C19orf12: variants seen among roughly 807,000 people sequenced by gnomAD.
C19orf12 encodes the protein protein C19orf12.
In C19orf12, 2 loss-of-function variants were observed where a neutral mutation model predicts 3.8. The ratio of observed to expected loss-of-function variants is 0.53; its 90% CI spans 0.22 to 1.66. C19orf12 has a LOEUF of 1.66. Ranked by LOEUF, C19orf12 falls within the 40% of genes most tolerant of loss-of-function variation. C19orf12 has a pLI of 0.20. For synonymous variants in C19orf12, 89 were observed against 84.6 expected (o/e 1.05, Z -0.28); for missense variants, 156 against 188.8 (o/e 0.83, Z 1.02).
At position 29,702,922 on chromosome 19, in the gene C19orf12, C is replaced by T. The variant is rs202054484; in HGVS notation, c.216G>A (p.Pro72=). Residue 72 remains proline, a synonymous_variant, in exon 3 of 3, where the codon CCG becomes CCA. Coordinates refer to ENST00000323670, the MANE Select transcript of C19orf12 (RefSeq NM_031448.6). The part of the protein sequence containing the change: ...GAWMTSGQFK[P]VPQILMELPP... ...GCAGCTCCATTAGGATCTGAGGAAC[C>T]GGCTTAAACTGTCCACTTGTCATCC... is the stretch of plus-strand genomic sequence containing the variant. 232 of 1,614,196 alleles carry T rather than the reference C, an allele frequency of 1.4e-4. 1 individual carries two copies. The Admixed American group carries it at 3.0e-3, about 21-fold the overall frequency.
chr19:29,715,487 G>A, upstream of C19orf12: 1 of 356,478 alleles, frequency 2.8e-6, no homozygotes, highest in Non-Finnish European at 5.8e-6. Flanking sequence ...CCTGGGAACC[G>A]CAAGGCCGCG....
At chr19:29,708,039 C>T (rs529993214) in intron 2 of C19orf12, among the ~76,000 whole-genome samples, 104 of 152,070 alleles carry the variant, frequency 6.8e-4, no homozygotes, top group Non-Finnish European at 1.2e-3. Context: ...CCACCACGCC[C>T]AGCTATTTTT....
At chr19:29,711,776 C>G (rs114930005) in intron 1 of C19orf12, among the ~76,000 whole-genome samples, 41 of 152,194 alleles carry the variant, frequency 2.7e-4, no homozygotes, top group East Asian at 1.2e-3. Context: ...GCTTCCCCCC[C>G]CAAAAAAAAC....
Position 29,702,700 on chromosome 19 carries a change from C to A in C19orf12, c.*12G>T, listed in dbSNP as rs1158188154. The A allele has an allele frequency of 6.2e-7, 1 of 1,612,996 alleles. No individual in the cohort carries two copies. Among genetic ancestry groups the A allele is most frequent in the Non-Finnish European group, 8.5e-7 (1 of 1,179,994 alleles). ...CATTTAAAGGGGCCCCCCACCTCCC[C>A]GGAGGTGCGGCCTAGTCATCATACT... On this transcript the variant is annotated 3_prime_UTR_variant, in exon 3 of 3. Transcript: ENST00000323670.
At chr19:29,715,073 C>T (rs1282241704) in intron 1 of C19orf12, 52 bp downstream of exon 1, 4 of 616,262 alleles carry the variant, frequency 6.5e-6, no homozygotes, top group Non-Finnish European at 5.8e-6. Flanking sequence ...CCCCTCCTCT[C>T]GCGGGGCGCG....
chr19:29,713,221 T>C (rs1009081604), intron 1 of C19orf12, among the ~76,000 whole-genome samples: 39 of 151,776 alleles, frequency 2.6e-4, no homozygotes, highest in African/African-American at 7.7e-4. Context: ...GGAGGGAGGA[T>C]GGGGACAGAC....
In C19orf12 at chr19:29,700,767, G is replaced by T; in HGVS notation, c.*1945C>A. 1 of 454,146 alleles carries T rather than the reference G, an allele frequency of 2.2e-6. No homozygotes were observed. The highest frequency in any genetic ancestry group is 4.4e-6 in the Non-Finnish European group (1 of 226,812). The allele number at this position is 454,146 out of a possible 1,614,324, so 28.1% of individuals were successfully genotyped here. ...CTCGGCCCTTCCTTAATCACCATGG[G>T]TTATAATTCACCCTGACGTCCTTAC... On this transcript the variant is annotated 3_prime_UTR_variant, in exon 3 of 3. Coordinates refer to ENST00000323670, the MANE Select transcript of C19orf12 (RefSeq NM_031448.6).
chr19:29,700,330 G>A lies in C19orf12; in HGVS notation c.*2382C>T. 1 of 454,136 alleles carries A rather than the reference G, an allele frequency of 2.2e-6. No homozygotes were observed. The highest frequency in any genetic ancestry group is 4.4e-6 in the Non-Finnish European group (1 of 226,790). 28.1% of individuals were successfully genotyped at this position (454,136 alleles called of 1,614,324 possible). A position where few individuals can be genotyped will look rare whatever the true frequency, so the allele number is the denominator to read the frequency against. ...GGCATTTGTTCAACATGGAAAAAGT[G>A]TCCCCCAACTTTGAAGCACTGAACC... On this transcript the variant is annotated 3_prime_UTR_variant, in exon 3 of 3. Coordinates refer to ENST00000323670, the MANE Select transcript of C19orf12 (RefSeq NM_031448.6).
rs1423786410 is a variant in C19orf12 at position 29,700,115 on chromosome 19, G to A, written c.*2597C>T. The A allele has an allele frequency of 8.8e-6, 4 of 453,914 alleles. No individual in the cohort carries two copies. Among genetic ancestry groups the A allele is most frequent in the Non-Finnish European group, 1.8e-5 (4 of 226,792 alleles). 28.1% of individuals were successfully genotyped at this position (453,914 alleles called of 1,614,324 possible). A position where few individuals can be genotyped will look rare whatever the true frequency, so the allele number is the denominator to read the frequency against. ...GGCATTTTTCCCTGCAGTAGGGGTG[G>A]GCAGGCTGTGGGAGGGGCTGCAGTG... On this transcript the variant is annotated 3_prime_UTR_variant, in exon 3 of 3. Coordinates refer to ENST00000323670, the MANE Select transcript of C19orf12 (RefSeq NM_031448.6).
chr19:29,713,734 C>T (rs10415958), intron 1 of C19orf12, among the ~76,000 whole-genome samples: 17,201 of 152,066 alleles, frequency 0.11, 1,353 homozygotes, highest in East Asian at 0.28. Flanking sequence ...TTCCTGATTT[C>T]TCCTGAAAAA....
chr19:29,703,096 A>G, intron 2 of C19orf12, 119 bp from the exon 3 acceptor site: 2 of 1,380,474 alleles, frequency 1.4e-6, no homozygotes, highest in South Asian at 2.4e-5. Context: ...AGCGGGCTGC[A>G]GCGGGCTCAG....
Position 29,698,981 on chromosome 19 carries a change from T to A in C19orf12, c.*3731A>T, listed in dbSNP as rs1190629340. On this transcript the variant is annotated 3_prime_UTR_variant, in exon 3 of 3. Coordinates refer to ENST00000323670, the MANE Select transcript of C19orf12 (RefSeq NM_031448.6). ...GAATATTAACACAGTATTACTGTAA[T>A]ACTTCAGCATTACAGTAGTAAAAAT... 2.2e-6 allele frequency: 1 copy of A among 452,324 alleles called. No individual in the cohort carries two copies. Among genetic ancestry groups the A allele is most frequent in the East Asian group, 7.0e-5 (1 of 14,298 alleles). The allele number at this position is 452,324 out of a possible 1,614,324, so 28.0% of individuals were successfully genotyped here.
chr19:29,701,111 G>C lies in C19orf12; in HGVS notation c.*1601C>G, dbSNP rs927259493. On this transcript the variant is annotated 3_prime_UTR_variant, in exon 3 of 3. Coordinates refer to ENST00000323670, the MANE Select transcript of C19orf12 (RefSeq NM_031448.6). ...TGGTACCTTCCCTCTTGTTCCATTT[G>C]TAAGACTTTGAATATTAGAGATATT... is the stretch of plus-strand genomic sequence containing the variant. 6 of 454,016 alleles carry C rather than the reference G, an allele frequency of 1.3e-5. 1 individual carries two copies. The Admixed American group carries it at 1.4e-4, about 11-fold the overall frequency. 28.1% of individuals were successfully genotyped at this position (454,016 alleles called of 1,614,324 possible).
Position 29,699,314 on chromosome 19 carries a change from A to T in C19orf12, c.*3398T>A, listed in dbSNP as rs28549012. 3 of 363,758 alleles carry T rather than the reference A, an allele frequency of 8.2e-6. No individual in the cohort carries two copies. Among genetic ancestry groups the T allele is most frequent in the Middle Eastern group, 9.4e-4 (1 of 1,068 alleles). 22.5% of individuals were successfully genotyped at this position (363,758 alleles called of 1,614,324 possible). On this transcript the variant is annotated 3_prime_UTR_variant, in exon 3 of 3. Transcript: ENST00000323670. The stretch of plus-strand genomic sequence containing the variant: ...AACCCCGTCTCTACTAAAAATAAAA[A>T]AAAAATAAAAAAATAAAAATTAGCC...
Position 29,715,165 on chromosome 19 carries a change from A to T in C19orf12, c.-51T>A. On this transcript the variant is annotated 5_prime_UTR_variant, in exon 1 of 3. Coordinates refer to ENST00000323670, the MANE Select transcript of C19orf12 (RefSeq NM_031448.6). ...TCTACGCGGCGCGCTCGGCGATCAG[A>T]CGCGGCTGCAGCCCGGGCCTGGCAG... 1.8e-6 allele frequency: 1 copy of T among 544,308 alleles called. No homozygotes were observed. Among genetic ancestry groups the T allele is most frequent in the Non-Finnish European group, 3.3e-6 (1 of 304,144 alleles). 33.7% of individuals were successfully genotyped at this position (544,308 alleles called of 1,614,324 possible). A position where few individuals can be genotyped will look rare whatever the true frequency, so the allele number is the denominator to read the frequency against.
chr19:29,701,690 G>GT lies in C19orf12; in HGVS notation c.*1021dup, dbSNP rs758272383. On this transcript the variant is annotated 3_prime_UTR_variant, in exon 3 of 3. Coordinates refer to ENST00000323670, the MANE Select transcript of C19orf12 (RefSeq NM_031448.6). ...CATTCTACTATGCTTTGTGAATACT[G>GT]TGTTTTTTTTTTAAATTGAAGGTTT... 0.02 allele frequency: 6,783 copies of GT among 343,168 alleles called. 7 individuals are homozygous for GT. Among genetic ancestry groups the GT allele is most frequent in the East Asian group, 0.029 (401 of 13,626 alleles). 21.3% of individuals were successfully genotyped at this position (343,168 alleles called of 1,614,324 possible). A position where few individuals can be genotyped will look rare whatever the true frequency, so the allele number is the denominator to read the frequency against.
intron 2 of C19orf12, among the ~76,000 whole-genome samples, chr19:29,703,624 C>T (rs1972231055): frequency 6.6e-6 from 1 of 151,986 alleles, no homozygotes. Context: ...GGTGATCCGC[C>T]TACCTCGGCC....
chr19:29,704,601 T>TG (rs1465932290), intron 2 of C19orf12, among the ~76,000 whole-genome samples: 1 of 152,240 alleles, frequency 6.6e-6, no homozygotes, highest in Non-Finnish European at 1.5e-5. Flanking sequence ...TTAAAGACCT[T>TG]GTATCCACGG....
chr19:29,715,093 GCGCCC>G (rs1972891578), intron 1 of C19orf12, 27 bp downstream of exon 1: 3 of 589,392 alleles, frequency 5.1e-6, no homozygotes, highest in Non-Finnish European at 9.0e-6. Flanking sequence ...GGCCTGGGAG[GCGCCC>G]CGCCCCGGCT....
Sources: allele counts gnomAD v4.1 joint callset (sites outside exome capture counted in the v4.1 genomes callset), GRCh38; gene constraint gnomAD v4.1.1; transcripts MANE v1.5; gene names NCBI Gene and HGNC (gene_info 2026-07-23, HGNC 2026-07-21).